AKR7A3: variants seen among roughly 807,000 people sequenced by gnomAD.
The protein encoded by AKR7A3 is aldo-keto reductase family 7 member A3.
A neutral mutation model predicts 32.5 loss-of-function variants in AKR7A3; 37 were observed. That is an observed-to-expected ratio of 1.14 (90% CI 0.88 to 1.50). AKR7A3 has a LOEUF of 1.50. Among genes scored for constraint, AKR7A3 ranks in the 40% most tolerant of loss-of-function variants. The pLI is 0.00. For missense variants in AKR7A3, 412 were observed against 453.2 expected, an observed-to-expected ratio of 0.91 and a Z score of 0.83; for synonymous variants, 177 against 188.4, an observed-to-expected ratio of 0.94 and a Z score of 0.50.
intron 1 of AKR7A3, among the ~76,000 whole-genome samples, chr1:19,287,098 G>A (rs2093731990): frequency 6.6e-6 from 1 of 151,850 alleles, no homozygotes; most frequent in Admixed American, 6.5e-5. Context: ...CTTGAGCTCA[G>A]GGGTTTAAGA....
chr1:19,275,037 A>G, the AKR7A3 span, among the ~76,000 whole-genome samples: 1 of 151,798 alleles, frequency 6.6e-6, no homozygotes, highest in Non-Finnish European at 1.5e-5. Context: ...AGAGATTGTT[A>G]GAATGGATAA....
At chr1:19,284,150 G>A (rs1325978834) in intron 5 of AKR7A3, 25 bp from the exon 6 acceptor site, 2 of 1,597,786 alleles carry the variant, frequency 1.3e-6, no homozygotes, top group Non-Finnish European at 1.7e-6. Flanking sequence ...CGGTGGCACA[G>A]GTGTCAGGGC....
At chr1:19,277,101 G>A in the AKR7A3 span, among the ~76,000 whole-genome samples, 2 of 151,712 alleles carry the variant, frequency 1.3e-5, no homozygotes, top group Non-Finnish European at 2.9e-5. Flanking sequence ...GCAACAGAGT[G>A]AGACTCCGTC....
chr1:19,281,642 T>TA (rs146446173), downstream of AKR7A3, among the ~76,000 whole-genome samples: 4,276 of 151,704 alleles, frequency 0.028, 81 homozygotes, highest in South Asian at 0.053. Context: ...ATCAAAAAAT[T>TA]AAAAAAATAA....
Position 19,285,107 on chromosome 1 carries a change from T to A in AKR7A3, c.515A>T (p.Tyr172Phe), listed in dbSNP as rs562136119. Residue 172 changes from tyrosine (Y) to phenylalanine (F), a missense_variant, in exon 4 of 7, where the codon TAC becomes TTC. Tyr to Phe is a conservative substitution (Grantham distance 22). Coordinates refer to ENST00000361640, the MANE Select transcript of AKR7A3 (RefSeq NM_012067.3). The part of the protein sequence containing the change: ...WILPTVYQGM[Y>F]NAITRQVETE... Reference sequence around the variant, plus strand: ...TTCCACCTGCCGGGTGATGGCATTGTACATGCCCTGTAAGGAGAGGGGCCC... The same window carrying A: ...TTCCACCTGCCGGGTGATGGCATTGAACATGCCCTGTAAGGAGAGGGGCCC... 19 of 1,613,462 alleles carry A rather than the reference T, an allele frequency of 1.2e-5. No homozygotes were observed. The South Asian group carries it at 1.9e-4, about 16-fold the overall frequency.
At position 19,284,759 on chromosome 1, in the gene AKR7A3, A is replaced by G. The variant is rs2151981593; in HGVS notation, c.631T>C (p.Tyr211His). 3.1e-6 allele frequency: 5 copies of G among 1,613,730 alleles called. No homozygotes were observed. The highest frequency in any genetic ancestry group is 2.7e-5 in the African/African-American group (2 of 74,690). Residue 211 changes from tyrosine (Y) to histidine (H), a missense_variant, in exon 5 of 7, where the codon TAT becomes CAT. Transcript: ENST00000361640. ...GGCTGTTTCCCATTCTTGTCCTCATACTTGTACTTGCCGGTCAGCAGGCCC... is the reference window on the plus strand; with the variant it reads ...GGCTGTTTCCCATTCTTGTCCTCATGCTTGTACTTGCCGGTCAGCAGGCCC... ...AGGLLTGKYK[Y>H]EDKNGKQPVG...
rs201215326 is a variant in AKR7A3, at chr1:19,284,773, G to A, written c.617C>T (p.Thr206Ile). 8.2e-5 allele frequency: 133 copies of A among 1,613,878 alleles called. No homozygotes were observed. In the Middle Eastern group the frequency reaches 9.9e-4, roughly 12 times the overall value. The change falls in exon 5 of 7, where the codon ACC (threonine) becomes ATC (isoleucine). Residue 206 changes from threonine to isoleucine, a missense_variant. Transcript: ENST00000361640. ...AFNPLAGGLLTGKYKYEDKNG... is the reference protein window; with the variant it reads ...AFNPLAGGLLIGKYKYEDKNG... ...CTTGTCCTCATACTTGTACTTGCCGGTCAGCAGGCCCCCTGAGGGAAAGCA... is the reference window on the plus strand; with the variant it reads ...CTTGTCCTCATACTTGTACTTGCCGATCAGCAGGCCCCCTGAGGGAAAGCA...
downstream of AKR7A3, among the ~76,000 whole-genome samples, chr1:19,278,420 A>G (rs140040815): frequency 6.6e-6 from 1 of 151,746 alleles, no homozygotes; most frequent in South Asian, 2.1e-4. Context: ...AATTAGCCAG[A>G]TGTGGTGGCA....
downstream of AKR7A3, among the ~76,000 whole-genome samples, chr1:19,279,705 A>G (rs1489737440): frequency 6.6e-6 from 1 of 151,774 alleles, no homozygotes; most frequent in Non-Finnish European, 1.5e-5. Flanking sequence ...CTGTCTACTG[A>G]CCATCTGTAT....
intron 3 of AKR7A3, 98 bp from the exon 4 acceptor site, chr1:19,285,212 C>A: frequency 8.5e-7 from 1 of 1,170,844 alleles, no homozygotes; most frequent in South Asian, 1.3e-5. Context: ...CTTAACAATT[C>A]TAGGACTTTA....
At chr1:19,283,572 A>G (rs115767274) in intron 6 of AKR7A3, among the ~76,000 whole-genome samples, 4,291 of 152,170 alleles carry the variant, frequency 0.028, 81 homozygotes, top group South Asian at 0.053. Flanking sequence ...GCTCACGCCT[A>G]TAATCCCAGC....
At chr1:19,282,333 C>A (rs1470910920), downstream of AKR7A3, among the ~76,000 whole-genome samples, 1 of 151,596 alleles carries the variant, frequency 6.6e-6, no homozygotes, top group Admixed American at 6.6e-5. Flanking sequence ...TTTAAAAGAG[C>A]CTGGAATTTC....
At chr1:19,283,935 C>G in intron 6 of AKR7A3, 61 bp downstream of exon 6, 1 of 1,608,062 alleles carries the variant, frequency 6.2e-7, no homozygotes, top group Non-Finnish European at 8.5e-7. Flanking sequence ...CAGCCTTCAT[C>G]TAAAGATATT....
At chr1:19,276,019 T>C in the AKR7A3 span, among the ~76,000 whole-genome samples, 1 of 151,914 alleles carries the variant, frequency 6.6e-6, no homozygotes, top group Non-Finnish European at 1.5e-5. Context: ...CTCTCAACAG[T>C]TGTAGAACAG....
downstream of AKR7A3, among the ~76,000 whole-genome samples, chr1:19,281,335 C>T (rs1231919455): frequency 6.6e-6 from 1 of 151,816 alleles, no homozygotes; most frequent in Non-Finnish European, 1.5e-5. Flanking sequence ...TTTCCAACTT[C>T]TGTGTTCTCA....
chr1:19,277,573 G>A (rs1258414205), downstream of AKR7A3, among the ~76,000 whole-genome samples: 1 of 151,480 alleles, frequency 6.6e-6, no homozygotes, highest in Non-Finnish European at 1.5e-5. Context: ...ACAGGCTGGA[G>A]TGCAGTGGTG....
intron 1 of AKR7A3, among the ~76,000 whole-genome samples, chr1:19,288,121 G>A (rs1490504075): frequency 6.6e-6 from 1 of 152,166 alleles, no homozygotes; most frequent in Non-Finnish European, 1.5e-5. Context: ...GATCAGGCCC[G>A]TCAAGGGCAC....
At chr1:19,274,525 T>G in the AKR7A3 span, among the ~76,000 whole-genome samples, 2 of 151,778 alleles carry the variant, frequency 1.3e-5, no homozygotes, top group African/African-American at 4.9e-5. Context: ...CTGTCCTGCC[T>G]GCCTGCCGTG....
Position 19,284,136 on chromosome 1 carries a change from G to A in AKR7A3, c.705-11C>T, listed in dbSNP as rs546113976. ...TGCTCCTTCCAGTAGCTGGGAAGGG[G>A]GGACGGTGGCACAGGTGTCAGGGCC... On this transcript the variant is annotated splice_polypyrimidine_tract_variant and intron_variant, in intron 5 of 6. Transcript: ENST00000361640. The A allele has an allele frequency of 1.0e-5, 16 of 1,605,782 alleles. No homozygotes were observed. In the South Asian group the frequency reaches 1.0e-4, roughly 10 times the overall value.
Sources: allele counts gnomAD v4.1 joint callset (sites outside exome capture counted in the v4.1 genomes callset), GRCh38; gene constraint gnomAD v4.1.1; transcripts MANE v1.5; gene names NCBI Gene and HGNC (gene_info 2026-07-23, HGNC 2026-07-21).